Variants in TMTC1 observed in about 807,000 individuals in gnomAD.
The protein encoded by TMTC1 is transmembrane O-mannosyltransferase targeting cadherins 1.
Under a neutral mutation model 104.8 loss-of-function variants are expected in TMTC1, and 73 were observed. The ratio of observed to expected loss-of-function variants is 0.70; its 90% CI spans 0.58 to 0.85. The LOEUF (loss-of-function observed/expected upper bound fraction) is 0.85, where lower values mean the gene tolerates loss of function less well. Ranked by LOEUF, TMTC1 falls within the 40% of genes least tolerant of loss-of-function variation. The pLI is 0.00. For synonymous variants in TMTC1, 434 were observed against 428.7 expected (o/e 1.01, Z -0.15); for missense variants, 1,035 against 1,096.1 (o/e 0.94, Z 0.79).
intron 7 of TMTC1, among the ~76,000 whole-genome samples, chr12:29,601,838 CTTTTTT>C (rs546200177): frequency 7.3e-6 from 1 of 137,384 alleles, no homozygotes. Context: ...ATAATCATCT[CTTTTTT>C]TTTTTTTTTT....
chr12:29,741,605 T>C (rs1042206228), intron 5 of TMTC1, among the ~76,000 whole-genome samples: 8 of 152,200 alleles, frequency 5.3e-5, no homozygotes, highest in African/African-American at 7.2e-5. Flanking sequence ...CTGTGCTATC[T>C]CTCATTTCTT....
At chr12:29,686,600 AG>A (rs1196482584) in intron 5 of TMTC1, among the ~76,000 whole-genome samples, 1 of 152,206 alleles carries the variant, frequency 6.6e-6, no homozygotes, top group Non-Finnish European at 1.5e-5. Context: ...CACTCCTGTC[AG>A]GGCTGCTCTC....
chr12:29,649,972 T>C (rs556770543), intron 5 of TMTC1, among the ~76,000 whole-genome samples: 64 of 152,356 alleles, frequency 4.2e-4, no homozygotes, highest in African/African-American at 1.5e-3. Flanking sequence ...CATAAGATAA[T>C]TTTAAGGGCC....
At chr12:29,656,456 G>A (rs1401415807) in intron 5 of TMTC1, among the ~76,000 whole-genome samples, 3 of 150,780 alleles carry the variant, frequency 2.0e-5, no homozygotes, top group Admixed American at 1.3e-4. Context: ...CCCAGTTCAA[G>A]CGATTCTCCT....
chr12:29,741,148 CT>C lies in TMTC1; in HGVS notation c.938+10517del, dbSNP rs373130623. 8.3e-4 allele frequency among the ~76,000 whole-genome samples: 127 copies of C among 152,288 alleles called. 1 individual carries two copies. The South Asian group carries it at 0.019, about 23-fold the overall frequency. ...AAATACATAAAACACAAAACTTAAT[CT>C]TTTTTAAATATTGACATTTTCCATC... On this transcript the variant is annotated intron_variant, in intron 5 of 17. Transcript: ENST00000539277.
chr12:29,668,936 T>G (rs1194349596), intron 5 of TMTC1, among the ~76,000 whole-genome samples: 1 of 152,182 alleles, frequency 6.6e-6, no homozygotes, highest in Non-Finnish European at 1.5e-5. Context: ...TGCTGCAGGT[T>G]GAAACACAAG....
chr12:29,516,967 T>C (rs565466015), intron 14 of TMTC1, among the ~76,000 whole-genome samples: 1 of 152,284 alleles, frequency 6.6e-6, no homozygotes, highest in Admixed American at 6.5e-5. Context: ...TTAGAAACTA[T>C]TTGCAAAGGT....
chr12:29,767,014 A>G (rs1421191362), intron 2 of TMTC1, among the ~76,000 whole-genome samples: 1 of 151,774 alleles, frequency 6.6e-6, no homozygotes, highest in Non-Finnish European at 1.5e-5. Flanking sequence ...CAATGGTGCA[A>G]TCTTGGCTCA....
At chr12:29,554,260 G>C (rs1945179815) in intron 10 of TMTC1, among the ~76,000 whole-genome samples, 1 of 151,916 alleles carries the variant, frequency 6.6e-6, no homozygotes, top group Non-Finnish European at 1.5e-5. Flanking sequence ...TTGTCACACT[G>C]TTTGATTTGC....
intron 7 of TMTC1, among the ~76,000 whole-genome samples, chr12:29,587,121 T>G (rs1171372357): frequency 6.6e-6 from 1 of 152,176 alleles, no homozygotes; most frequent in African/African-American, 2.4e-5. Context: ...GAGCCTGTTA[T>G]TGGTCTATTC....
intron 5 of TMTC1, among the ~76,000 whole-genome samples, chr12:29,678,605 A>G (rs1940809879): frequency 6.6e-6 from 1 of 152,204 alleles, no homozygotes; most frequent in South Asian, 2.1e-4. Context: ...TGATGTGAAC[A>G]AGAAATAAGC....
Position 29,667,610 on chromosome 12 carries a change from T to C in TMTC1, c.939-34274A>G, listed in dbSNP as rs753442203. 5.3e-5 allele frequency among the ~76,000 whole-genome samples: 8 copies of C among 152,324 alleles called. No homozygotes were observed. The East Asian group carries it at 9.6e-4, about 18-fold the overall frequency. On this transcript the variant is annotated intron_variant, in intron 5 of 17. Coordinates refer to ENST00000539277, the MANE Select transcript of TMTC1 (RefSeq NM_001193451.2). The stretch of plus-strand genomic sequence containing the variant: ...GGAAAAAAATGATGCCCAGAAATGT[T>C]ACTTGGCCTGCAAAAAGGTCATGAT...
intron 9 of TMTC1, among the ~76,000 whole-genome samples, chr12:29,557,688 G>A (rs1469085391): frequency 6.6e-6 from 1 of 151,824 alleles, no homozygotes; most frequent in African/African-American, 2.4e-5. Context: ...GACCTCAGGT[G>A]ATCCACCTGG....
At chr12:29,510,291 A>C (rs1943797673) in intron 17 of TMTC1, among the ~76,000 whole-genome samples, 1 of 152,226 alleles carries the variant, frequency 6.6e-6, no homozygotes, top group Non-Finnish European at 1.5e-5. Flanking sequence ...AAAAAGATGT[A>C]GTAAAAACAC....
intron 7 of TMTC1, among the ~76,000 whole-genome samples, chr12:29,595,941 G>A (rs757438959): frequency 4.4e-4 from 67 of 152,030 alleles, no homozygotes; most frequent in Non-Finnish European, 2.4e-4. Flanking sequence ...ATTTAAGAAC[G>A]TTAGAATCCT....
At chr12:29,710,894 A>G (rs1941896017) in intron 5 of TMTC1, among the ~76,000 whole-genome samples, 1 of 92,980 alleles carries the variant, frequency 1.1e-5, no homozygotes, top group African/African-American at 4.4e-5. Flanking sequence ...TTATTAATAT[A>G]TAAATATATT....
chr12:29,708,948 A>G (rs1941826206), intron 5 of TMTC1, among the ~76,000 whole-genome samples: 1 of 152,236 alleles, frequency 6.6e-6, no homozygotes, highest in African/African-American at 2.4e-5. Context: ...ACATAGGAGT[A>G]TAAGAAAATA....
rs377763199 is a variant in TMTC1 at position 29,522,554 on chromosome 12, A to ACG, written c.1786-1835_1786-1834insCG. ...GCTCTCGTCCATTGAAGGACTGACA[A>ACG]TGTGTGTGTGTGTGTGTGTGTGTGT... is the stretch of plus-strand genomic sequence containing the variant. On this transcript the variant is annotated intron_variant, in intron 11 of 17. Coordinates refer to ENST00000539277, the MANE Select transcript of TMTC1 (RefSeq NM_001193451.2). 3.4e-5 allele frequency among the ~76,000 whole-genome samples: 5 copies of ACG among 148,814 alleles called. No homozygotes were observed. In the East Asian group the frequency reaches 1.0e-3, roughly 30 times the overall value.
chr12:29,590,990 A>T (rs185423313), intron 7 of TMTC1, among the ~76,000 whole-genome samples: 2 of 152,148 alleles, frequency 1.3e-5, no homozygotes, highest in Non-Finnish European at 2.9e-5. Context: ...TCCCTGCTAT[A>T]ACCAGAATGA....
Sources: allele counts gnomAD v4.1 joint callset (sites outside exome capture counted in the v4.1 genomes callset), GRCh38; gene constraint gnomAD v4.1.1; transcripts MANE v1.5; gene names NCBI Gene and HGNC (gene_info 2026-07-23, HGNC 2026-07-21).